The following CTTNBP2 variants were observed in gnomAD, a reference collection of about 807,000 sequenced individuals.
CTTNBP2 encodes the protein cortactin-binding protein 2.
In CTTNBP2, 108 loss-of-function variants were observed where a neutral mutation model predicts 156.9. The observed-to-expected ratio is 0.69, with a 90% confidence interval of 0.59 to 0.81. The LOEUF (loss-of-function observed/expected upper bound fraction) is 0.81. Among genes scored for constraint, CTTNBP2 ranks in the 30% least tolerant of loss-of-function variants. The pLI, the probability that CTTNBP2 is intolerant of heterozygous loss-of-function variation, is 0.00. For synonymous variants in CTTNBP2, 767 were observed against 751.8 expected, an observed-to-expected ratio of 1.02 and a Z score of -0.33; for missense variants, 1,924 against 2,035.4, an observed-to-expected ratio of 0.95 and a Z score of 1.05.
intron 8 of CTTNBP2, among the ~76,000 whole-genome samples, chr7:117,773,474 G>T (rs564177311): frequency 6.6e-6 from 1 of 152,254 alleles, no homozygotes; most frequent in East Asian, 1.9e-4. Flanking sequence ...GCCCAGAGAT[G>T]ACCTCCAGGA....
intron 10 of CTTNBP2, among the ~76,000 whole-genome samples, chr7:117,758,559 T>C (rs1562978640): frequency 6.6e-6 from 1 of 152,198 alleles, no homozygotes; most frequent in Non-Finnish European, 1.5e-5. Context: ...TTTTTTCATC[T>C]CTTCCTTCCA....
Position 117,739,334 on chromosome 7 carries a change from G to A in CTTNBP2, c.3536-3913C>T, listed in dbSNP as rs924373492. Among the ~76,000 whole-genome samples, 3 of 152,172 alleles carry A rather than the reference G, an allele frequency of 2.0e-5. No individual in the cohort carries two copies. The East Asian group carries it at 5.8e-4, about 29-fold the overall frequency. ...GGTGAAAGAAGGCCACACACCCCAT[G>A]TTACAGCTGCAGGTTCCTTTTTACC... On this transcript the variant is annotated intron_variant, in intron 14 of 22. Coordinates refer to ENST00000160373, the MANE Select transcript of CTTNBP2 (RefSeq NM_033427.3).
intron 2 of CTTNBP2, among the ~76,000 whole-genome samples, chr7:117,834,350 A>G (rs1801798991): frequency 6.6e-6 from 1 of 152,148 alleles, no homozygotes; most frequent in South Asian, 2.1e-4. Context: ...CCACCATGCC[A>G]GGGCTGGAAT....
At position 117,792,560 on chromosome 7, in the gene CTTNBP2, T is replaced by C; in HGVS notation, c.636A>G (p.Glu212=). 6.2e-7 allele frequency: 1 copy of C among 1,614,096 alleles called. No individual in the cohort carries two copies. ...TGCTTCTTCGTTTCTCAGCGGAGAG[T>C]TCCTCTTCTAATTCATTCGTCTTTT... ...EKKKTNELEE[E]LSAEKRRSTE... The change falls in exon 4 of 23, where the codon GAA becomes GAG. Residue 212 remains glutamate (E), a synonymous_variant. Coordinates refer to ENST00000160373, the MANE Select transcript of CTTNBP2 (RefSeq NM_033427.3). The surrounding 1 kb of genome is among the most constrained non-coding windows in gnomAD (Gnocchi z 4.2).
intron 2 of CTTNBP2, among the ~76,000 whole-genome samples, chr7:117,844,792 C>T (rs2117155022): frequency 6.6e-6 from 1 of 152,258 alleles, no homozygotes; most frequent in Non-Finnish European, 1.5e-5. Flanking sequence ...AAAGTGAGCA[C>T]ATGGGTACTG....
intron 8 of CTTNBP2, among the ~76,000 whole-genome samples, chr7:117,774,005 G>A (rs1282558777): frequency 2.0e-5 from 3 of 152,096 alleles, no homozygotes; most frequent in African/African-American, 7.2e-5. Context: ...ACAAATCCAG[G>A]CAATCTCCTA....
chr7:117,735,312 A>G lies in CTTNBP2; in HGVS notation c.3645T>C (p.Pro1215=). Residue 1215 remains proline, a synonymous_variant, in exon 15 of 23, where the codon CCT becomes CCC. Transcript: ENST00000160373. ...GGCTTTCAGTGCTGCGATTTTCAAG[A>G]GGTGCCAAAAAGTCCCTCAATAACT... ...LSELLRDFLA[P]LENRSTESPC... The G allele has an allele frequency of 6.2e-7, 1 of 1,614,120 alleles. No individual in the cohort carries two copies.
At chr7:117,768,340 T>G (rs1178360359) in intron 8 of CTTNBP2, among the ~76,000 whole-genome samples, 1 of 151,876 alleles carries the variant, frequency 6.6e-6, no homozygotes, top group Non-Finnish European at 1.5e-5. Flanking sequence ...GGCAGGTGGA[T>G]CACTTGAGGT....
intron 21 of CTTNBP2, among the ~76,000 whole-genome samples, chr7:117,719,188 C>T (rs766095048): frequency 2.0e-5 from 3 of 151,978 alleles, no homozygotes; most frequent in African/African-American, 7.3e-5. Context: ...GCGACAAGAG[C>T]GAAACTCCAT....
At chr7:117,808,847 T>C (rs549972049) in intron 3 of CTTNBP2, among the ~76,000 whole-genome samples, 1 of 152,220 alleles carries the variant, frequency 6.6e-6, no homozygotes, top group East Asian at 1.9e-4. Context: ...GAGATGACTT[T>C]GGTGTTTCTG....
chr7:117,742,763 T>G (rs1333483695), intron 14 of CTTNBP2, among the ~76,000 whole-genome samples: 1 of 152,176 alleles, frequency 6.6e-6, no homozygotes, highest in Non-Finnish European at 1.5e-5. Context: ...CATATTGCTT[T>G]TAAAAATTAG....
At chr7:117,806,852 A>G (rs2402265) in intron 3 of CTTNBP2, among the ~76,000 whole-genome samples, 89,761 of 149,832 alleles carry the variant, frequency 0.6, 27,744 homozygotes, top group East Asian at 0.97. Flanking sequence ...TCTGCCTCCC[A>G]GGGTCAAGCA....
intron 8 of CTTNBP2, among the ~76,000 whole-genome samples, chr7:117,775,482 A>T (rs1040354492): frequency 1.3e-5 from 2 of 151,562 alleles, no homozygotes; most frequent in African/African-American, 4.9e-5. Context: ...ATTGCCCTAC[A>T]CTGAAGGGTA....
At chr7:117,865,671 C>CAAAAAAAA (rs61533705) in intron 1 of CTTNBP2, among the ~76,000 whole-genome samples, 45 of 74,376 alleles carry the variant, frequency 6.1e-4, no homozygotes, top group East Asian at 2.4e-3. Flanking sequence ...ACTCCATCTC[C>CAAAAAAAA]AAAAAAAAAA....
At chr7:117,715,589 C>T (rs1349623219) in intron 22 of CTTNBP2, among the ~76,000 whole-genome samples, 4 of 150,956 alleles carry the variant, frequency 2.6e-5, no homozygotes, top group African/African-American at 7.3e-5. Flanking sequence ...CATTTATTAA[C>T]ATTTGTTCTT....
At chr7:117,734,862 C>T (rs1230619045) in intron 16 of CTTNBP2, 51 bp downstream of exon 16, 1 of 1,447,876 alleles carries the variant, frequency 6.9e-7, no homozygotes, top group South Asian at 1.4e-5. Flanking sequence ...GATCTCCTGA[C>T]AACAAAAACC....
chr7:117,742,103 G>C (rs537876743), intron 14 of CTTNBP2, among the ~76,000 whole-genome samples: 77 of 152,204 alleles, frequency 5.1e-4, no homozygotes, highest in Non-Finnish European at 9.8e-4. Context: ...CAGAAGCAGT[G>C]AATCACAGAA....
chr7:117,747,606 C>T (rs994707013), intron 12 of CTTNBP2, among the ~76,000 whole-genome samples: 1 of 152,130 alleles, frequency 6.6e-6, no homozygotes, highest in Non-Finnish European at 1.5e-5. Flanking sequence ...AACCCCATCT[C>T]CACTAAAAAT....
At chr7:117,837,569 T>C (rs931212544) in intron 2 of CTTNBP2, among the ~76,000 whole-genome samples, 1 of 152,230 alleles carries the variant, frequency 6.6e-6, no homozygotes, top group Non-Finnish European at 1.5e-5. Flanking sequence ...TTGAAATATT[T>C]TCATGTACAC....
Sources: allele counts gnomAD v4.1 joint callset (sites outside exome capture counted in the v4.1 genomes callset), GRCh38; gene constraint gnomAD v4.1.1; non-coding constraint Gnocchi (gnomAD v3.1); transcripts MANE v1.5; gene names NCBI Gene and HGNC (gene_info 2026-07-23, HGNC 2026-07-21).